Variants in ARB2A observed in about 807,000 individuals in gnomAD.
ARB2A encodes the protein ARB2 cotranscriptional regulator A, also known as cotranscriptional regulator ARB2A.
chr5:93,846,477 G>A, the ARB2A span, among the ~76,000 whole-genome samples: 1 of 151,966 alleles, frequency 6.6e-6, no homozygotes, highest in East Asian at 1.9e-4. Context: ...ACTCCAGCCT[G>A]GGCAACAGAG....
the ARB2A span, among the ~76,000 whole-genome samples, chr5:94,072,968 C>A: frequency 6.6e-6 from 1 of 152,066 alleles, no homozygotes. Context: ...ATTTTTCTCA[C>A]CACTAATATA....
the ARB2A span, among the ~76,000 whole-genome samples, chr5:93,803,756 A>C: frequency 6.6e-6 from 1 of 151,756 alleles, no homozygotes; most frequent in Non-Finnish European, 1.5e-5. Context: ...TTTGGACATA[A>C]GAATTTTTTA....
chr5:93,630,589 C>A, the ARB2A span, among the ~76,000 whole-genome samples: 1 of 152,024 alleles, frequency 6.6e-6, no homozygotes, highest in South Asian at 2.1e-4. Flanking sequence ...TCTCATCTGG[C>A]GAAGCGTGGG....
At chr5:94,060,919 T>C in the ARB2A span, among the ~76,000 whole-genome samples, 1 of 152,082 alleles carries the variant, frequency 6.6e-6, no homozygotes, top group Non-Finnish European at 1.5e-5. Context: ...TATCAACTGA[T>C]GCAAAAAATA....
At chr5:94,034,411 T>C in the ARB2A span, among the ~76,000 whole-genome samples, 2 of 152,200 alleles carry the variant, frequency 1.3e-5, no homozygotes, top group Non-Finnish European at 2.9e-5. Flanking sequence ...CATCAGACTG[T>C]ATTCTTTGAT....
the ARB2A span, among the ~76,000 whole-genome samples, chr5:94,076,629 G>A: frequency 6.6e-6 from 1 of 152,134 alleles, no homozygotes; most frequent in Non-Finnish European, 1.5e-5. Context: ...TTCCATTCAG[G>A]AATTAGTGAA....
chr5:93,917,802 G>A, the ARB2A span, among the ~76,000 whole-genome samples: 4 of 152,220 alleles, frequency 2.6e-5, no homozygotes, highest in East Asian at 3.9e-4. Flanking sequence ...ACCCTTCACC[G>A]AAATGTTTGA....
At chr5:93,909,479 G>A in the ARB2A span, among the ~76,000 whole-genome samples, 1 of 150,820 alleles carries the variant, frequency 6.6e-6, no homozygotes, top group South Asian at 2.1e-4. Flanking sequence ...TATATCTACA[G>A]AGCATTAAAC....
At chr5:93,744,434 CAAAAAAAAAAAAAAAAA>C in the ARB2A span, among the ~76,000 whole-genome samples, 2 of 14,534 alleles carry the variant, frequency 1.4e-4, no homozygotes, top group African/African-American at 4.8e-4. Flanking sequence ...GACTCAGTCT[CAAAAAAAAAAAAAAAAA>C]AAAAAAAAAA....
chr5:94,015,790 T>C, the ARB2A span, among the ~76,000 whole-genome samples: 3 of 152,068 alleles, frequency 2.0e-5, no homozygotes. Flanking sequence ...TAAAGACCAA[T>C]AATATTCACT....
At chr5:93,894,273 G>T in the ARB2A span, among the ~76,000 whole-genome samples, 1 of 151,878 alleles carries the variant, frequency 6.6e-6, no homozygotes, top group African/African-American at 2.4e-5. Context: ...TTTATAATTA[G>T]AACACAATAG....
chr5:93,907,192 C>A, the ARB2A span, among the ~76,000 whole-genome samples: 1 of 151,180 alleles, frequency 6.6e-6, no homozygotes, highest in African/African-American at 2.4e-5. Context: ...TGTATAAGTC[C>A]CTGCTGTGAA....
the ARB2A span, among the ~76,000 whole-genome samples, chr5:93,679,725 T>C: frequency 6.6e-6 from 1 of 152,140 alleles, no homozygotes; most frequent in South Asian, 2.1e-4. Flanking sequence ...TGATATTGCA[T>C]GATTTACATA....
the ARB2A span, among the ~76,000 whole-genome samples, chr5:93,639,666 T>C: frequency 1.2e-4 from 19 of 152,260 alleles, no homozygotes; most frequent in Middle Eastern, 3.4e-3. Context: ...TAAGATGGGA[T>C]TGACTACTTA....
At chr5:93,634,514 T>C in the ARB2A span, among the ~76,000 whole-genome samples, 3 of 152,168 alleles carry the variant, frequency 2.0e-5, no homozygotes, top group Non-Finnish European at 4.4e-5. Context: ...TGGACTCAGG[T>C]GGCCATAGTC....
the ARB2A span, among the ~76,000 whole-genome samples, chr5:93,813,113 A>C: frequency 6.6e-6 from 1 of 152,194 alleles, no homozygotes; most frequent in African/African-American, 2.4e-5. Flanking sequence ...GAACTCAGAG[A>C]AATAAATGTT....
At chr5:94,062,727 C>A in the ARB2A span, among the ~76,000 whole-genome samples, 1 of 152,176 alleles carries the variant, frequency 6.6e-6, no homozygotes, top group Non-Finnish European at 1.5e-5. Context: ...GAGAGCCCAG[C>A]CCCTATAGAG....
chr5:93,952,110 T>A, the ARB2A span, among the ~76,000 whole-genome samples: 8 of 152,056 alleles, frequency 5.3e-5, no homozygotes, highest in Non-Finnish European at 1.2e-4. Context: ...AAAGGATGAG[T>A]AGAGGGAAGA....
At chr5:93,951,931 C>A in the ARB2A span, among the ~76,000 whole-genome samples, 113 of 152,210 alleles carry the variant, frequency 7.4e-4, no homozygotes, top group East Asian at 1.5e-3. Context: ...AGTGGTAAAT[C>A]CCTGGAAGGT....
Sources: gnomAD v4.1 joint callset for allele counts (sites outside exome capture counted in the v4.1 genomes callset) on GRCh38, gnomAD v4.1.1 for gene constraint, MANE v1.5 for transcripts, NCBI Gene and HGNC (gene_info 2026-07-23, HGNC 2026-07-21) for gene names.